TSG101: variants seen among roughly 807,000 people sequenced by gnomAD.
The protein encoded by TSG101 is tumor susceptibility gene 101 protein.
In TSG101, 19 loss-of-function variants were observed where a neutral mutation model predicts 48.5. The ratio of observed to expected loss-of-function variants is 0.39; its 90% CI spans 0.27 to 0.58. TSG101 has a LOEUF of 0.58. TSG101 is among the 20% of genes least tolerant of loss of function. The pLI, the probability that TSG101 is intolerant of heterozygous loss-of-function variation, is 0.55. For synonymous variants in TSG101, 174 were observed against 169.4 expected, an observed-to-expected ratio of 1.03 and a Z score of -0.21; for missense variants, 365 against 484.4, an observed-to-expected ratio of 0.75 and a Z score of 2.31.
At chr11:18,499,301 T>C (rs1849840334) in intron 7 of TSG101, among the ~76,000 whole-genome samples, 2 of 90,092 alleles carry the variant, frequency 2.2e-5, no homozygotes, top group African/African-American at 6.7e-5. Context: ...TATTTATATT[T>C]ATATATTTAT....
At chr11:18,496,279 T>C (rs909324701) in intron 7 of TSG101, among the ~76,000 whole-genome samples, 5 of 151,100 alleles carry the variant, frequency 3.3e-5, no homozygotes, top group South Asian at 2.1e-4. Context: ...CTGGCTAACA[T>C]ACAAAATACA....
At chr11:18,522,742 AC>A (rs1850300043) in intron 1 of TSG101, among the ~76,000 whole-genome samples, 1 of 151,496 alleles carries the variant, frequency 6.6e-6, no homozygotes, top group South Asian at 2.1e-4. Flanking sequence ...TGCTGTCTAG[AC>A]CCATACCACC....
In TSG101 at chr11:18,480,705, T is replaced by C. The variant is rs1203702040; in HGVS notation, c.1084-70A>G. On this transcript the variant is annotated intron_variant, in intron 9 of 9. Coordinates refer to ENST00000251968, the MANE Select transcript of TSG101 (RefSeq NM_006292.4). ...TAGGCCCAGGCATAAAATAGACAAT[T>C]TGTAACCTAGATGGGATCTAAGAAC... 4.2e-6 allele frequency: 6 copies of C among 1,426,122 alleles called. No individual in the cohort carries two copies. In the African/African-American group the frequency reaches 8.5e-5, roughly 20 times the overall value. 88.3% of individuals were successfully genotyped at this position (1,426,122 alleles called of 1,614,324 possible). A position where few individuals can be genotyped will look rare whatever the true frequency, so the allele number is the denominator to read the frequency against.
chr11:18,516,199 T>C, intron 2 of TSG101, 35 bp from the exon 3 acceptor site: 1 of 1,567,586 alleles, frequency 6.4e-7, no homozygotes, highest in South Asian at 1.1e-5. Context: ...ATCATGAGCA[T>C]TTTTTAAGAT....
At chr11:18,506,391 TAA>T (rs113581499) in intron 6 of TSG101, among the ~76,000 whole-genome samples, 120 of 147,994 alleles carry the variant, frequency 8.1e-4, no homozygotes, top group Middle Eastern at 3.5e-3. Flanking sequence ...TCTCTTCTTT[TAA>T]AAAAAAAAAA....
At chr11:18,485,390 G>A (rs1159913955) in intron 7 of TSG101, among the ~76,000 whole-genome samples, 1 of 152,056 alleles carries the variant, frequency 6.6e-6, no homozygotes, top group East Asian at 1.9e-4. Flanking sequence ...TTTTCTGAAG[G>A]AAAGGTCTCT....
chr11:18,526,676 C>T (rs1590293335), intron 1 of TSG101, 99 bp downstream of exon 1: 2 of 1,438,122 alleles, frequency 1.4e-6, no homozygotes, highest in Non-Finnish European at 1.9e-6. Context: ...GGCTTCCGGC[C>T]CGTCTGGGAA....
At position 18,509,567 on chromosome 11, in the gene TSG101, T is replaced by C. The variant is rs780590429; in HGVS notation, c.456A>G (p.Pro152=). The part of the protein sequence containing the change: ...FSRPISASYP[P]YQATGPPNTS... ...TATTTGGTGGCCCCGTTGCCTGGTA[T>C]GGCGGATAGGATGCCGAAATAGGAC... is the stretch of plus-strand genomic sequence containing the variant. Residue 152 remains proline (P), a synonymous_variant, in exon 5 of 10, where the codon CCA becomes CCG. Coordinates refer to ENST00000251968, the MANE Select transcript of TSG101 (RefSeq NM_006292.4). 2.4e-5 allele frequency: 38 copies of C among 1,613,730 alleles called. No homozygotes were observed. Among genetic ancestry groups the C allele is most frequent in the African/African-American group, 6.7e-5 (5 of 74,942 alleles).
intron 1 of TSG101, chr11:18,525,736 G>A (rs1453072567): frequency 2.1e-6 from 2 of 955,644 alleles, no homozygotes; most frequent in African/African-American, 3.5e-5. Context: ...ACAAAACCAA[G>A]AAGCCTAAAA....
intron 7 of TSG101, 119 bp from the exon 8 acceptor site, chr11:18,484,191 A>G (rs1849587244): frequency 1.1e-6 from 1 of 934,536 alleles, no homozygotes; most frequent in Non-Finnish European, 1.6e-6. Context: ...TGAGGAAAGA[A>G]AAAAATTATG....
chr11:18,493,385 G>A (rs995400359), intron 7 of TSG101, among the ~76,000 whole-genome samples: 1 of 152,068 alleles, frequency 6.6e-6, no homozygotes, highest in Non-Finnish European at 1.5e-5. Context: ...TAAGACACCC[G>A]GTTTCATTTA....
rs1849579799 is a variant in TSG101 at position 18,483,691 on chromosome 11, C to CA, written c.843+178dup. ...TATTATACCCCTCCCAATCTAAGAC[C>CA]AAATGCCAAACATAGGCTCCACTGT... is the stretch of plus-strand genomic sequence containing the variant. On this transcript the variant is annotated intron_variant, in intron 8 of 9. Transcript: ENST00000251968. 3 of 670,306 alleles carry CA rather than the reference C, an allele frequency of 4.5e-6. 1 individual carries two copies. The highest frequency in any genetic ancestry group is 3.6e-5 in the African/African-American group (2 of 54,978). The allele number at this position is 670,306 out of a possible 1,614,324, so 41.5% of individuals were successfully genotyped here.
chr11:18,499,368 ATG>A lies in TSG101; in HGVS notation c.640+3116_640+3117del, dbSNP rs1565087321. Among the ~76,000 whole-genome samples, 5 of 76,594 alleles carry A rather than the reference ATG, an allele frequency of 6.5e-5. No homozygotes were observed. In the Admixed American group the frequency reaches 9.1e-4, roughly 14 times the overall value. 50.2% of individuals were successfully genotyped at this position (76,594 alleles called of 152,430 possible). Reference sequence around the variant, plus strand: ...TATTTATATATGTTTATATATAAATATGTTTATATTTAAATATATATATATAT... The same window carrying A: ...TATTTATATATGTTTATATATAAATATTTATATTTAAATATATATATATAT... On this transcript the variant is annotated intron_variant, in intron 7 of 9. Transcript: ENST00000251968.
chr11:18,520,823 G>T (rs1004169790), intron 1 of TSG101, among the ~76,000 whole-genome samples: 1 of 152,028 alleles, frequency 6.6e-6, no homozygotes, highest in African/African-American at 2.4e-5. Flanking sequence ...ACGAGGTCAG[G>T]AGTTCGAGAC....
At chr11:18,513,035 C>T (rs760158993) in intron 4 of TSG101, among the ~76,000 whole-genome samples, 19 of 151,914 alleles carry the variant, frequency 1.3e-4, no homozygotes, top group Non-Finnish European at 2.5e-4. Context: ...GCCTCAAGGA[C>T]AGATTTTTAT....
chr11:18,524,353 A>T (rs1398720229), intron 1 of TSG101, among the ~76,000 whole-genome samples: 1 of 152,166 alleles, frequency 6.6e-6, no homozygotes, highest in Non-Finnish European at 1.5e-5. Flanking sequence ...CATAAAACAT[A>T]AGGCAGGTGG....
intron 2 of TSG101, 24 bp downstream of exon 2, chr11:18,519,495 G>A (rs761833641): frequency 2.0e-6 from 3 of 1,524,674 alleles, no homozygotes; most frequent in South Asian, 2.3e-5. Flanking sequence ...TATAGAAATT[G>A]CTATTTTTAC....
chr11:18,526,197 T>A (rs575591105), intron 1 of TSG101, among the ~76,000 whole-genome samples: 2 of 151,300 alleles, frequency 1.3e-5, no homozygotes, highest in South Asian at 4.2e-4. Context: ...AGCAAATAAA[T>A]ACGCGTTATA....
chr11:18,511,063 T>C (rs1159575192), intron 4 of TSG101: 1 of 152,250 alleles, frequency 6.6e-6, no homozygotes, highest in Non-Finnish European at 1.5e-5. Context: ...ATTTTGTGTA[T>C]ATCTCATCTC....
Sources: gnomAD v4.1 joint callset for allele counts (sites outside exome capture counted in the v4.1 genomes callset) on GRCh38, gnomAD v4.1.1 for gene constraint, MANE v1.5 for transcripts, NCBI Gene and HGNC (gene_info 2026-07-23, HGNC 2026-07-21) for gene names.